EFHB: variants seen among roughly 807,000 people sequenced by gnomAD.
EFHB encodes EF-hand domain family member B, also known as EF-hand domain-containing family member B.
A neutral mutation model predicts 87.2 loss-of-function variants in EFHB; 91 were observed. That is an observed-to-expected ratio of 1.04 (90% CI 0.88 to 1.24). The LOEUF (loss-of-function observed/expected upper bound fraction) is 1.24. EFHB is among the 50% of genes most tolerant of loss of function. EFHB has a pLI of 0.00. For synonymous variants in EFHB, 325 were observed against 333.6 expected (o/e 0.97, Z 0.28); for missense variants, 1,084 against 998.8 (o/e 1.09, Z -1.15).
chr3:19,924,171 T>G (rs1695535640), intron 1 of EFHB, among the ~76,000 whole-genome samples: 1 of 152,146 alleles, frequency 6.6e-6, no homozygotes. Context: ...CTATATTTAT[T>G]AATTGCATTA....
intron 5 of EFHB, among the ~76,000 whole-genome samples, chr3:19,908,798 T>G (rs1349015970): frequency 6.6e-6 from 1 of 152,096 alleles, no homozygotes; most frequent in Non-Finnish European, 1.5e-5. Context: ...GTATTTTAAA[T>G]GTTGTAGGTC....
chr3:19,940,788 G>C, intron 1 of EFHB: 1 of 361,270 alleles, frequency 2.8e-6, no homozygotes, highest in East Asian at 7.0e-5. Context: ...GAGTGCCAAA[G>C]GTATGCCTGT....
chr3:19,934,279 T>C (rs949356114), upstream of EFHB: 1 of 1,365,866 alleles, frequency 7.3e-7, no homozygotes, highest in Admixed American at 3.3e-5. Context: ...CTTGGACAGA[T>C]CCCTGCCCAT....
At chr3:19,918,979 C>CAAAAAA (rs11356910) in intron 3 of EFHB, among the ~76,000 whole-genome samples, 1 of 75,978 alleles carries the variant, frequency 1.3e-5, no homozygotes, top group African/African-American at 4.5e-5. Context: ...GACTCAGTCT[C>CAAAAAA]AAAAAAAAAA....
At chr3:19,943,110 A>T (rs1024070609) in intron 1 of EFHB, 3 of 249,118 alleles carry the variant, frequency 1.2e-5, no homozygotes, top group Non-Finnish European at 2.6e-5. Flanking sequence ...CAGATTTGGC[A>T]TCAAAAACTG....
chr3:19,919,870 T>C lies in EFHB; in HGVS notation c.959A>G (p.Tyr320Cys). The change falls in exon 3 of 13, where the codon TAT becomes TGT. Residue 320 changes from tyrosine (Y) to cysteine (C), a missense_variant. By Grantham distance (194) the Tyr-to-Cys change is radical. Coordinates refer to ENST00000295824, the MANE Select transcript of EFHB (RefSeq NM_144715.4). ...GRANDPQIAP[Y>C]LTHGIRSKIS... ...TTTAGATCTAATTCCATGTGTCAAA[T>C]AAGGTGCAATCTGGGGATCATTTGC... 6.2e-7 allele frequency: 1 copy of C among 1,613,600 alleles called. No individual in the cohort carries two copies. Among genetic ancestry groups the C allele is most frequent in the Non-Finnish European group, 8.5e-7 (1 of 1,179,624 alleles).
chr3:19,895,312 T>G (rs1694443387), intron 9 of EFHB, among the ~76,000 whole-genome samples: 1 of 151,790 alleles, frequency 6.6e-6, no homozygotes, highest in Non-Finnish European at 1.5e-5. Context: ...AAACCCCGTC[T>G]GTACTAAAAG....
chr3:19,908,590 GAGAGAGAGAGAAAGAA>G (rs1253867660), intron 5 of EFHB, among the ~76,000 whole-genome samples: 98 of 111,218 alleles, frequency 8.8e-4, no homozygotes, highest in Non-Finnish European at 1.1e-3. Context: ...GAGAGAGAGA[GAGAGAGAGAGAAAGAA>G]AGAAAGAAAG....
chr3:19,923,375 G>C (rs1695505914), intron 1 of EFHB, among the ~76,000 whole-genome samples: 1 of 151,714 alleles, frequency 6.6e-6, no homozygotes, highest in South Asian at 2.1e-4. Context: ...TTTTGTTTTT[G>C]AGACAGGGTC....
chr3:19,908,598 G>GAGAGAGAGAAAGAA (rs1694937855), intron 5 of EFHB, among the ~76,000 whole-genome samples: 7 of 77,848 alleles, frequency 9.0e-5, no homozygotes, highest in African/African-American at 3.0e-4. Flanking sequence ...GAGAGAGAGA[G>GAGAGAGAGAAAGAA]AGAAAGAAAG....
intron 6 of EFHB, among the ~76,000 whole-genome samples, chr3:19,902,199 T>C (rs554921106): frequency 6.6e-6 from 1 of 152,112 alleles, no homozygotes; most frequent in Non-Finnish European, 1.5e-5. Context: ...TGCCAGTGAA[T>C]TCATTCGTTC....
upstream of EFHB, among the ~76,000 whole-genome samples, chr3:19,938,641 C>A (rs953435882): frequency 6.6e-6 from 1 of 152,190 alleles, no homozygotes; most frequent in African/African-American, 2.4e-5. Flanking sequence ...CAGTCACAGA[C>A]TTGATTTAGA....
In EFHB at chr3:19,918,365, T is replaced by C. The variant is rs1559465993; in HGVS notation, c.1044A>G (p.Lys348=). 7 of 1,611,542 alleles carry C rather than the reference T, an allele frequency of 4.3e-6. No individual in the cohort carries two copies. The highest frequency in any genetic ancestry group is 5.1e-6 in the Non-Finnish European group (6 of 1,179,266). The change falls in exon 4 of 13, where the codon AAA becomes AAG. Residue 348 remains lysine, a synonymous_variant. Coordinates refer to ENST00000295824, the MANE Select transcript of EFHB (RefSeq NM_144715.4). ...ATATAGATTCTTTTTTATCTTTAAT[T>C]TTCTGTTGAAATGTGGTAATAGGCT... ...NPQPITTFQQ[K]IKDKKESIYL...
chr3:19,936,313 G>A, upstream of EFHB: 1 of 562,230 alleles, frequency 1.8e-6, no homozygotes, highest in Non-Finnish European at 3.2e-6. Context: ...TTGCACCATT[G>A]CATGCCAGCC....
At chr3:19,902,822 C>G (rs1244031163) in intron 6 of EFHB, among the ~76,000 whole-genome samples, 1 of 152,162 alleles carries the variant, frequency 6.6e-6, no homozygotes, top group Non-Finnish European at 1.5e-5. Flanking sequence ...TCTTTTTAAA[C>G]TGCAACCAAA....
chr3:19,890,689 T>C (rs894355696), intron 9 of EFHB, among the ~76,000 whole-genome samples: 22 of 73,798 alleles, frequency 3.0e-4, no homozygotes, highest in Non-Finnish European at 5.4e-4. Context: ...CTCCTTTGAG[T>C]TACAAGTCTA....
At chr3:19,903,652 G>A (rs1444991592) in intron 6 of EFHB, among the ~76,000 whole-genome samples, 3 of 152,008 alleles carry the variant, frequency 2.0e-5, no homozygotes, top group Non-Finnish European at 4.4e-5. Context: ...CTATGATACT[G>A]TAAAAATTTA....
chr3:19,945,053 A>G (rs1696239118), intron 1 of EFHB, among the ~76,000 whole-genome samples: 1 of 152,246 alleles, frequency 6.6e-6, no homozygotes, highest in African/African-American at 2.4e-5. Context: ...TGAATCCAGT[A>G]GAAGTATCTG....
chr3:19,905,728 T>C lies in EFHB; in HGVS notation c.1310A>G (p.Tyr437Cys), dbSNP rs1694820880. 1 of 1,611,154 alleles carries C rather than the reference T, an allele frequency of 6.2e-7. No individual in the cohort carries two copies. The highest frequency in any genetic ancestry group is 8.5e-7 in the Non-Finnish European group (1 of 1,177,992). The change falls in exon 6 of 13, where the codon TAT (tyrosine) becomes TGT (cysteine). Residue 437 changes from tyrosine to cysteine, a missense_variant. Transcript: ENST00000295824. ...YYAGEAKNRK[Y>C]NPSSFHRCSV... is the part of the protein sequence containing the mutation. ...ACACCTATGGAAACTTGATGGGTTA[T>C]ACTTTCGGTTCTTTGCCTCTCCTGT...
Sources: allele counts gnomAD v4.1 joint callset (sites outside exome capture counted in the v4.1 genomes callset), GRCh38; gene constraint gnomAD v4.1.1; transcripts MANE v1.5; gene names NCBI Gene and HGNC (gene_info 2026-07-23, HGNC 2026-07-21).